SIM1: variants seen among roughly 807,000 people sequenced by gnomAD.
SIM1 encodes the protein SIM bHLH transcription factor 1, also known as single-minded homolog 1.
Under a neutral mutation model 78.2 loss-of-function variants are expected in SIM1, and 18 were observed. That is an observed-to-expected ratio of 0.23 (90% CI 0.16 to 0.34). SIM1 has a LOEUF of 0.34. Ranked by LOEUF, SIM1 falls within the 10% of genes least tolerant of loss-of-function variation. The pLI, the probability that SIM1 is intolerant of heterozygous loss-of-function variation, is 1.00. For synonymous variants in SIM1, 417 were observed against 385.2 expected (o/e 1.08, Z -0.97); for missense variants, 939 against 975.1 (o/e 0.96, Z 0.49).
At chr6:100,437,709 C>T (rs1772093397) in intron 9 of SIM1, among the ~76,000 whole-genome samples, 1 of 152,224 alleles carries the variant, frequency 6.6e-6, no homozygotes, top group Non-Finnish European at 1.5e-5. Context: ...ACGTTTCTCC[C>T]TCTGCATGGA....
intron 9 of SIM1, among the ~76,000 whole-genome samples, chr6:100,423,499 T>A (rs2114507905): frequency 6.6e-6 from 1 of 152,308 alleles, no homozygotes; most frequent in East Asian, 1.9e-4. Context: ...GAACAAGAAC[T>A]ATCCTTTTCC....
chr6:100,461,447 G>A (rs1330513599), intron 2 of SIM1, among the ~76,000 whole-genome samples: 1 of 152,122 alleles, frequency 6.6e-6, no homozygotes, highest in Non-Finnish European at 1.5e-5. Context: ...CCAGAACGCC[G>A]CCCTGCTATT....
rs544310130 is a variant in SIM1 at position 100,408,466 on chromosome 6, AT to A, written c.1167+12323del. 2.5e-3 allele frequency among the ~76,000 whole-genome samples: 375 copies of A among 151,550 alleles called. 3 individuals carry two copies. The highest frequency in any genetic ancestry group is 0.015 in the South Asian group (71 of 4,788). On this transcript the variant is annotated intron_variant, in intron 10 of 11. Transcript: ENST00000369208. ...TTTTTGGTCCTATATGAATTTGAGAATTTTTTTTCTATTTCTCTCTTTTCTT... is the reference window on the plus strand; with the variant it reads ...TTTTTGGTCCTATATGAATTTGAGAATTTTTTTCTATTTCTCTCTTTTCTT...
At chr6:100,438,123 T>TA (rs201300655) in intron 9 of SIM1, among the ~76,000 whole-genome samples, 7 of 151,616 alleles carry the variant, frequency 4.6e-5, no homozygotes, top group East Asian at 1.9e-4. Flanking sequence ...GGGACCTGAT[T>TA]AAAAAAAAGC....
chr6:100,419,342 A>G (rs1163622888), intron 10 of SIM1, among the ~76,000 whole-genome samples: 16 of 152,162 alleles, frequency 1.1e-4, no homozygotes, highest in Non-Finnish European at 1.9e-4. Context: ...TCTGTGGAAG[A>G]CCATGTGACA....
At chr6:100,462,442 G>A (rs567232681) in intron 2 of SIM1, among the ~76,000 whole-genome samples, 1 of 152,282 alleles carries the variant, frequency 6.6e-6, no homozygotes, top group African/African-American at 2.4e-5. Context: ...GTTGTATATA[G>A]GACAGTGTTC....
intron 10 of SIM1, among the ~76,000 whole-genome samples, chr6:100,417,285 G>T (rs1164329544): frequency 6.6e-6 from 1 of 152,058 alleles, no homozygotes; most frequent in African/African-American, 2.4e-5. Flanking sequence ...AATGTCCTTT[G>T]TATACACCAT....
At position 100,453,883 on chromosome 6, in the gene SIM1, G is replaced by C. The variant is rs142992595; in HGVS notation, c.176-39C>G. The C allele has an allele frequency of 1.7e-5, 26 of 1,508,988 alleles. No homozygotes were observed. The Admixed American group carries it at 3.9e-4, about 22-fold the overall frequency. The allele number at this position is 1,508,988 out of a possible 1,614,324, so 93.5% of individuals were successfully genotyped here. On this transcript the variant is annotated intron_variant, in intron 2 of 11. Coordinates refer to ENST00000369208, the MANE Select transcript of SIM1 (RefSeq NM_005068.3). The stretch of plus-strand genomic sequence containing the variant: ...GAAGCATCCTGTAGCCACTGAACCC[G>C]GACCTGACAGGCAGTTTGGGACCAA...
chr6:100,412,570 A>T (rs1165374023), intron 10 of SIM1, among the ~76,000 whole-genome samples: 2 of 104,114 alleles, frequency 1.9e-5, no homozygotes, highest in Non-Finnish European at 4.0e-5. Flanking sequence ...AAAGAAAGAA[A>T]GAAAGAAAGA....
intron 10 of SIM1, among the ~76,000 whole-genome samples, chr6:100,402,112 C>T (rs1357167808): frequency 6.6e-6 from 1 of 152,032 alleles, no homozygotes. Context: ...CTAAAAAATA[C>T]AAATGGTACA....
At chr6:100,425,554 A>G (rs1771705272) in intron 9 of SIM1, among the ~76,000 whole-genome samples, 1 of 152,216 alleles carries the variant, frequency 6.6e-6, no homozygotes, top group South Asian at 2.1e-4. Flanking sequence ...CATTTCAAAT[A>G]CGGTTGATGT....
intron 5 of SIM1, 45 bp downstream of exon 5, chr6:100,449,546 C>G (rs776379255): frequency 7.5e-6 from 12 of 1,591,946 alleles, no homozygotes; most frequent in Non-Finnish European, 1.0e-5. Context: ...AAACCACAAG[C>G]GGACTGCGAT....
At chr6:100,443,839 G>T (rs916179847) in intron 9 of SIM1, among the ~76,000 whole-genome samples, 7 of 152,254 alleles carry the variant, frequency 4.6e-5, no homozygotes, top group African/African-American at 1.7e-4. Flanking sequence ...GGTAGAGAGA[G>T]ATATAAAGCA....
chr6:100,443,824 A>G (rs546355957), intron 9 of SIM1, among the ~76,000 whole-genome samples: 175 of 152,304 alleles, frequency 1.1e-3, no homozygotes, highest in African/African-American at 3.9e-3. Context: ...ATAGGCACAC[A>G]TATAGGTAGA....
At chr6:100,420,558 A>C (rs978578650) in intron 10 of SIM1, among the ~76,000 whole-genome samples, 3 of 152,202 alleles carry the variant, frequency 2.0e-5, no homozygotes, top group African/African-American at 7.2e-5. Context: ...TTCTGACAAC[A>C]ACCAGACTCT....
intron 11 of SIM1, 98 bp downstream of exon 11, chr6:100,393,389 G>T: frequency 9.4e-7 from 1 of 1,062,338 alleles, no homozygotes; most frequent in Non-Finnish European, 1.3e-6. Flanking sequence ...GTAAATCAAA[G>T]AAGATAACTA....
rs1291172114 is a variant in SIM1 at position 100,450,374 on chromosome 6, G to C, written c.259-18C>G. The C allele has an allele frequency of 1.9e-6, 3 of 1,605,964 alleles. No homozygotes were observed. In the African/African-American group the frequency reaches 4.0e-5, roughly 21 times the overall value. On this transcript the variant is annotated intron_variant, in intron 3 of 11. Coordinates refer to ENST00000369208, the MANE Select transcript of SIM1 (RefSeq NM_005068.3). ...TCCAGGGTCTGGGGAGGCACAAATA[G>C]AGAGAATAGAGAGCCCTCTGGGCCA... is the stretch of plus-strand genomic sequence containing the variant.
rs186484389 is a variant in SIM1 at position 100,418,198 on chromosome 6, A to T, written c.1167+2592T>A. Among the ~76,000 whole-genome samples, 1,433 of 151,958 alleles carry T rather than the reference A, an allele frequency of 9.4e-3. 22 individuals are homozygous for T. The highest frequency in any genetic ancestry group is 0.031 in the African/African-American group (1,286 of 41,442). On this transcript the variant is annotated intron_variant, in intron 10 of 11. Coordinates refer to ENST00000369208, the MANE Select transcript of SIM1 (RefSeq NM_005068.3). ...TCTACAAAAATTAAAAAAAAATTTT[A>T]AAAATTAATGGGGCACATTGTTGTG...
intron 9 of SIM1, among the ~76,000 whole-genome samples, chr6:100,435,712 A>C (rs1029232119): frequency 1.3e-5 from 2 of 152,240 alleles, no homozygotes; most frequent in Non-Finnish European, 2.9e-5. Context: ...AATGTAATAC[A>C]TCTGCAAAGA....
Sources: gnomAD v4.1 joint callset for allele counts (sites outside exome capture counted in the v4.1 genomes callset) on GRCh38, gnomAD v4.1.1 for gene constraint, MANE v1.5 for transcripts, NCBI Gene and HGNC (gene_info 2026-07-23, HGNC 2026-07-21) for gene names.